The following HIP1 variants were observed in gnomAD, a reference collection of about 807,000 sequenced individuals.
HIP1 encodes huntingtin interacting protein 1.
A neutral mutation model predicts 147.6 loss-of-function variants in HIP1; 65 were observed. That is an observed-to-expected ratio of 0.44 (90% confidence interval 0.36 to 0.54). The LOEUF (loss-of-function observed/expected upper bound fraction) is 0.54. Ranked by LOEUF, HIP1 falls within the 20% of genes least tolerant of loss-of-function variation. HIP1 has a pLI of 0.00. For missense variants in HIP1, 1,061 were observed against 1,299.6 expected, an observed-to-expected ratio of 0.82 and a Z score of 2.82; for synonymous variants, 479 against 504.0, an observed-to-expected ratio of 0.95 and a Z score of 0.67.
At chr7:75,626,838 CTT>C (rs1798057348) in intron 1 of HIP1, 1 of 151,834 alleles carries the variant, frequency 6.6e-6, no homozygotes, top group Non-Finnish European at 1.5e-5. Context: ...CTGTTTTTGA[CTT>C]ATATAAAAGG....
At chr7:75,611,639 C>T (rs1338476994) in intron 1 of HIP1, 76 of 1,014,902 alleles carry the variant, frequency 7.5e-5, no homozygotes, top group East Asian at 3.3e-4. Context: ...GCACCAAGGG[C>T]GGGCAGTGCG....
chr7:75,536,300 GT>G lies in HIP1; in HGVS notation c.*1871del, dbSNP rs1354377234. ...TGGTCATCCGAGGTCCTGGGAGAGA[GT>G]TTTTTGAATGTCCCACTTAGAAAAT... is the stretch of plus-strand genomic sequence containing the variant. On this transcript the variant is annotated 3_prime_UTR_variant, in exon 31 of 31. Coordinates refer to ENST00000336926, the MANE Select transcript of HIP1 (RefSeq NM_005338.7). The G allele has an allele frequency of 6.1e-6, 1 of 165,054 alleles. No individual in the cohort carries two copies. The highest frequency in any genetic ancestry group is 7.4e-5 in the Admixed American group (1 of 13,456). The allele number at this position is 165,054 out of a possible 1,614,324, so 10.2% of individuals were successfully genotyped here.
chr7:75,549,267 C>G (rs1472689587), intron 22 of HIP1, among the ~76,000 whole-genome samples: 1 of 152,182 alleles, frequency 6.6e-6, no homozygotes. Flanking sequence ...ATTCCGCCAC[C>G]ACTAAGACCC....
At chr7:75,732,150 C>A (rs977696449) in intron 1 of HIP1, among the ~76,000 whole-genome samples, 7 of 152,062 alleles carry the variant, frequency 4.6e-5, no homozygotes, top group African/African-American at 1.7e-4. Context: ...GCTGTGTGAC[C>A]TTGGACAAGT....
chr7:75,647,574 C>T (rs1264503481), intron 1 of HIP1, among the ~76,000 whole-genome samples: 2 of 152,172 alleles, frequency 1.3e-5, no homozygotes, highest in Non-Finnish European at 2.9e-5. Flanking sequence ...GGAAGGGACA[C>T]ATGAAAGGCG....
At chr7:75,541,092 C>T (rs1485707604) in intron 29 of HIP1, among the ~76,000 whole-genome samples, 5 of 150,784 alleles carry the variant, frequency 3.3e-5, no homozygotes, top group African/African-American at 9.8e-5. Flanking sequence ...AGTAAGACCC[C>T]GTCTCTATCT....
chr7:75,734,642 A>G (rs1218160447), intron 1 of HIP1, among the ~76,000 whole-genome samples: 3 of 152,024 alleles, frequency 2.0e-5, no homozygotes, highest in Admixed American at 6.6e-5. Context: ...ATGCCAGCAC[A>G]AGGTCACAGG....
chr7:75,583,275 C>T (rs1467262594), intron 5 of HIP1, among the ~76,000 whole-genome samples: 2 of 152,122 alleles, frequency 1.3e-5, no homozygotes, highest in Non-Finnish European at 2.9e-5. Flanking sequence ...GCTTGGAAGA[C>T]CTGCTGAGAG....
At chr7:75,555,198 G>GGGGA (rs1794948510) in intron 19 of HIP1, among the ~76,000 whole-genome samples, 1 of 102,638 alleles carries the variant, frequency 9.7e-6, no homozygotes, top group South Asian at 4.3e-4. Context: ...GGGGGGGCGG[G>GGGGA]GGGGGGGAAG....
chr7:75,647,209 T>TA (rs1661451251), intron 1 of HIP1, among the ~76,000 whole-genome samples: 1 of 11,758 alleles, frequency 8.5e-5, no homozygotes, highest in Middle Eastern at 0.036. Context: ...CTACTAAAAA[T>TA]ACAAAAAAAA....
chr7:75,703,877 CTG>C (rs1362222141), intron 1 of HIP1, among the ~76,000 whole-genome samples: 1 of 152,132 alleles, frequency 6.6e-6, no homozygotes, highest in East Asian at 1.9e-4. Flanking sequence ...AGACCACTGA[CTG>C]TGTGTGCCTC....
chr7:75,613,342 G>A (rs1021534707), intron 1 of HIP1, among the ~76,000 whole-genome samples: 5 of 152,036 alleles, frequency 3.3e-5, no homozygotes, highest in East Asian at 1.9e-4. Context: ...TCTGTGCTCC[G>A]TGAGACTGCT....
intron 1 of HIP1, among the ~76,000 whole-genome samples, chr7:75,718,164 T>C (rs1284624556): frequency 1.3e-5 from 2 of 151,488 alleles, no homozygotes; most frequent in East Asian, 1.9e-4. Context: ...GGAAGCCTTA[T>C]GGTAAAAAAA....
chr7:75,632,531 G>A (rs1798264506), intron 1 of HIP1, among the ~76,000 whole-genome samples: 1 of 151,504 alleles, frequency 6.6e-6, no homozygotes, highest in South Asian at 2.1e-4. Context: ...GAGATTACAG[G>A]CGCACACCAC....
chr7:75,697,990 T>A (rs912328605), intron 1 of HIP1, among the ~76,000 whole-genome samples: 6 of 152,226 alleles, frequency 3.9e-5, no homozygotes, highest in South Asian at 2.1e-4. Flanking sequence ...TTTTATAATT[T>A]AAAAAAATTT....
Position 75,693,602 on chromosome 7 carries a change from C to T in HIP1, c.120+45199G>A, listed in dbSNP as rs1334767399. ...GACTAAAATGATTTTCTGGCCAGCG[C>T]GGTTGCTCACATGTGTAATCCTGGC... On this transcript the variant is annotated intron_variant, in intron 1 of 30. Transcript: ENST00000336926. Among the ~76,000 whole-genome samples, 5 of 152,134 alleles carry T rather than the reference C, an allele frequency of 3.3e-5. No individual in the cohort carries two copies. The South Asian group carries it at 8.3e-4, about 25-fold the overall frequency.
At chr7:75,555,646 G>T in intron 18 of HIP1, 95 bp from the exon 19 acceptor site, 1 of 1,379,148 alleles carries the variant, frequency 7.3e-7, no homozygotes, top group South Asian at 1.2e-5. Context: ...CTTAGCTCAA[G>T]TCATGGCCAA....
At chr7:75,672,600 T>C (rs1169896973) in intron 1 of HIP1, among the ~76,000 whole-genome samples, 2 of 152,188 alleles carry the variant, frequency 1.3e-5, no homozygotes, top group Non-Finnish European at 2.9e-5. Context: ...AGTGCTGGGA[T>C]TACAAGTGTG....
intron 1 of HIP1, among the ~76,000 whole-genome samples, chr7:75,703,598 G>A (rs1238452686): frequency 1.3e-4 from 19 of 149,932 alleles, no homozygotes; most frequent in African/African-American, 3.9e-4. Flanking sequence ...GCGAAACTCC[G>A]TCTCAAAAAA....
Sources: gnomAD v4.1 joint callset for allele counts (sites outside exome capture counted in the v4.1 genomes callset) on GRCh38, gnomAD v4.1.1 for gene constraint, MANE v1.5 for transcripts, NCBI Gene and HGNC (gene_info 2026-07-23, HGNC 2026-07-21) for gene names.